Variants in SORCS3 observed in about 807,000 individuals in gnomAD.
SORCS3 encodes the protein VPS10 domain-containing receptor SorCS3.
A neutral mutation model predicts 146.3 loss-of-function variants in SORCS3; 57 were observed. The observed-to-expected ratio is 0.39, with a 90% CI of 0.31 to 0.49. The LOEUF (loss-of-function observed/expected upper bound fraction) is 0.49. Among genes scored for constraint, SORCS3 ranks in the 20% least tolerant of loss-of-function variants. The pLI is 0.92. For synonymous variants in SORCS3, 653 were observed against 618.5 expected, an observed-to-expected ratio of 1.06 and a Z score of -0.83; for missense variants, 1,341 against 1,575.5, an observed-to-expected ratio of 0.85 and a Z score of 2.52.
At chr10:105,014,187 C>T (rs2055152547) in intron 4 of SORCS3, among the ~76,000 whole-genome samples, 1 of 150,040 alleles carries the variant, frequency 6.7e-6, no homozygotes, top group African/African-American at 2.4e-5. Context: ...ATTGAGTAGG[C>T]TATTTAATTA....
intron 5 of SORCS3, among the ~76,000 whole-genome samples, chr10:105,054,201 A>G (rs1416035118): frequency 6.6e-6 from 1 of 151,944 alleles, no homozygotes; most frequent in African/African-American, 2.4e-5. Context: ...CAATATTATA[A>G]CGTTTATTCT....
chr10:104,717,629 C>G (rs536418132), intron 1 of SORCS3, among the ~76,000 whole-genome samples: 2 of 152,094 alleles, frequency 1.3e-5, no homozygotes, highest in African/African-American at 4.8e-5. Flanking sequence ...AAGTAGGAGA[C>G]CTCTGAGGGC....
chr10:105,041,846 C>G (rs1030074458), intron 4 of SORCS3, among the ~76,000 whole-genome samples: 1 of 152,068 alleles, frequency 6.6e-6, no homozygotes, highest in African/African-American at 2.4e-5. Context: ...ACTTGATAGC[C>G]ACTCTGGCTT....
intron 8 of SORCS3, among the ~76,000 whole-genome samples, chr10:105,140,816 A>C (rs1999491): frequency 0.51 from 77,350 of 151,918 alleles, 19,985 homozygotes; most frequent in Admixed American, 0.55. Flanking sequence ...TTCTCATTTT[A>C]TCTACCCTCT....
At chr10:105,125,772 A>G (rs2055969624) in intron 7 of SORCS3, among the ~76,000 whole-genome samples, 1 of 151,726 alleles carries the variant, frequency 6.6e-6, no homozygotes, top group South Asian at 2.1e-4. Flanking sequence ...GGAAACCAGG[A>G]CCAAGGAAGT....
Position 105,158,963 on chromosome 10 carries a change from G to T in SORCS3, c.1701G>T (p.Lys567Asn), listed in dbSNP as rs1554882461. Residue 567 changes from lysine (K) to asparagine (N), a missense_variant, in exon 11 of 27, where the codon AAG (lysine) becomes AAT (asparagine). Coordinates refer to ENST00000369701, the MANE Select transcript of SORCS3 (RefSeq NM_014978.3). ...NPYSSGRISS[K>N]ETAPGLVVAT... ...ATTCCTCAGGAAGAATCTCTAGCAAGGAGACAGCCCCAGGACTTGTGGTGG... is the reference window on the plus strand; with the variant it reads ...ATTCCTCAGGAAGAATCTCTAGCAATGAGACAGCCCCAGGACTTGTGGTGG... 1 of 1,612,940 alleles carries T rather than the reference G, an allele frequency of 6.2e-7. No homozygotes were observed. The highest frequency in any genetic ancestry group is 8.5e-7 in the Non-Finnish European group (1 of 1,179,194).
rs2055964424 is a variant in SORCS3, at chr10:105,125,167, G to A, written c.1213-14230G>A. Among the ~76,000 whole-genome samples, 5 of 152,130 alleles carry A rather than the reference G, an allele frequency of 3.3e-5. No individual in the cohort carries two copies. In the South Asian group the frequency reaches 1.0e-3, roughly 31 times the overall value. Reference sequence around the variant, plus strand: ...GATTGAATGTAGCTATCCTGTACAAGAAACACTCTCATTCTCACTATAGTT... The same window carrying A: ...GATTGAATGTAGCTATCCTGTACAAAAAACACTCTCATTCTCACTATAGTT... On this transcript the variant is annotated intron_variant, in intron 7 of 26. Transcript: ENST00000369701.
intron 5 of SORCS3, among the ~76,000 whole-genome samples, chr10:105,072,800 G>C (rs563504339): frequency 2.5e-4 from 38 of 151,990 alleles, no homozygotes; most frequent in Non-Finnish European, 4.7e-4. Context: ...CAGGCAAAAT[G>C]GGGTTGAGGA....
intron 19 of SORCS3, among the ~76,000 whole-genome samples, chr10:105,218,882 G>A (rs2119660027): frequency 6.6e-6 from 1 of 152,206 alleles, no homozygotes; most frequent in East Asian, 1.9e-4. Context: ...GGGCGTTTTG[G>A]CACAAGCCTG....
intron 1 of SORCS3, among the ~76,000 whole-genome samples, chr10:104,711,620 C>T (rs1298739859): frequency 6.6e-6 from 1 of 152,252 alleles, no homozygotes. Flanking sequence ...CCAGAGCTAG[C>T]TCCTGCCTTG....
At chr10:105,100,338 C>T (rs73350178) in intron 6 of SORCS3, among the ~76,000 whole-genome samples, 12,005 of 152,202 alleles carry the variant, frequency 0.079, 588 homozygotes, top group Middle Eastern at 0.12. Flanking sequence ...TAGGGATATC[C>T]AAATGAGATC....
At chr10:105,000,295 A>G (rs925989079) in intron 4 of SORCS3, among the ~76,000 whole-genome samples, 6 of 151,688 alleles carry the variant, frequency 4.0e-5, no homozygotes, top group Admixed American at 6.6e-5. Context: ...ATTAATCCCA[A>G]GCCTCATGGT....
chr10:105,143,991 G>C (rs570295063), intron 8 of SORCS3, among the ~76,000 whole-genome samples: 1 of 152,134 alleles, frequency 6.6e-6, no homozygotes, highest in South Asian at 2.1e-4. Flanking sequence ...CAATGCTTCC[G>C]CAATTAATTT....
In SORCS3 at chr10:105,032,418, A is replaced by T. The variant is rs79408330; in HGVS notation, c.955-10637A>T. Among the ~76,000 whole-genome samples the T allele has an allele frequency of 9.4e-3, 1,432 of 152,322 alleles. 17 individuals carry two copies. Among genetic ancestry groups the T allele is most frequent in the African/African-American group, 0.032 (1,334 of 41,562 alleles). On this transcript the variant is annotated intron_variant, in intron 4 of 26. Coordinates refer to ENST00000369701, the MANE Select transcript of SORCS3 (RefSeq NM_014978.3). Reference sequence around the variant, plus strand: ...CATACATAGAAATGCCTGTCAGGGAAATCCTCCATATATATGAGTTTCTTT... The same window carrying T: ...CATACATAGAAATGCCTGTCAGGGATATCCTCCATATATATGAGTTTCTTT...
chr10:104,833,528 C>G (rs929590506), intron 1 of SORCS3, among the ~76,000 whole-genome samples: 1 of 152,100 alleles, frequency 6.6e-6, no homozygotes, highest in Admixed American at 6.5e-5. Flanking sequence ...ACCATCCTGT[C>G]CATCTGATGC....
At chr10:104,651,599 G>A (rs1252549620) in intron 1 of SORCS3, among the ~76,000 whole-genome samples, 6 of 151,216 alleles carry the variant, frequency 4.0e-5, no homozygotes, top group East Asian at 3.9e-4. Flanking sequence ...CCAGCTACAC[G>A]GGAGGCTGAG....
At chr10:104,965,240 T>C (rs1004388661) in intron 3 of SORCS3, among the ~76,000 whole-genome samples, 4 of 152,202 alleles carry the variant, frequency 2.6e-5, no homozygotes, top group Admixed American at 2.6e-4. Flanking sequence ...TGTTGCCACA[T>C]TGCATTTTAG....
intron 1 of SORCS3, among the ~76,000 whole-genome samples, chr10:104,697,212 T>A (rs1221825425): frequency 6.6e-6 from 1 of 152,186 alleles, no homozygotes; most frequent in African/African-American, 2.4e-5. Flanking sequence ...TGTTTGATGT[T>A]GTAAACAATG....
chr10:105,235,486 T>G (rs1487646956), intron 20 of SORCS3, among the ~76,000 whole-genome samples: 3 of 143,048 alleles, frequency 2.1e-5, no homozygotes, highest in Middle Eastern at 3.6e-3. Flanking sequence ...AAAACTCTGG[T>G]TTTTTTTTTT....
Sources: allele counts gnomAD v4.1 joint callset (sites outside exome capture counted in the v4.1 genomes callset), GRCh38; gene constraint gnomAD v4.1.1; transcripts MANE v1.5; gene names NCBI Gene and HGNC (gene_info 2026-07-23, HGNC 2026-07-21).